Variants in COL3A1 observed in about 807,000 individuals in gnomAD.
The protein encoded by COL3A1 is collagen alpha-1(III) chain.
COL3A1 carries 46 observed loss-of-function variants against 200.9 expected under a neutral mutation model. That is an observed-to-expected ratio of 0.23 (90% CI 0.18 to 0.29). The LOEUF (loss-of-function observed/expected upper bound fraction) is 0.29. Among genes scored for constraint, COL3A1 ranks in the 10% least tolerant of loss-of-function variants. The pLI, the probability that COL3A1 is intolerant of heterozygous loss-of-function variation, is 1.00. For synonymous variants in COL3A1, 650 were observed against 628.0 expected, an observed-to-expected ratio of 1.03 and a Z score of -0.52; for missense variants, 1,367 against 1,917.6, an observed-to-expected ratio of 0.71 and a Z score of 5.36.
rs1688353376 is a variant in COL3A1 at position 188,997,399 on chromosome 2, C to T, written c.1869+10C>T. 6.2e-7 allele frequency: 1 copy of T among 1,613,068 alleles called. No individual in the cohort carries two copies. The highest frequency in any genetic ancestry group is 8.5e-7 in the Non-Finnish European group (1 of 1,179,114). ...ACCCCCAGGGCCTACTGTAAGTTCA[C>T]TCATATAAAATTGGAGATGAAAATA... On this transcript the variant is annotated intron_variant, in intron 26 of 50. Coordinates refer to ENST00000304636, the MANE Select transcript of COL3A1 (RefSeq NM_000090.4).
chr2:189,003,833 G>A (rs1241202490), intron 38 of COL3A1, 46 bp downstream of exon 38: 2 of 1,601,830 alleles, frequency 1.2e-6, no homozygotes, highest in Admixed American at 1.7e-5. Flanking sequence ...TTCAGAAAGA[G>A]CATTCATGTA....
rs776478974 is a variant in COL3A1 at position 189,009,173 on chromosome 2, G to T, written c.3775G>T (p.Ala1259Ser). The T allele has an allele frequency of 1.9e-6, 3 of 1,614,042 alleles. No homozygotes were observed. Among genetic ancestry groups the T allele is most frequent in the South Asian group, 1.1e-5 (1 of 91,090 alleles). ...TCCTGATGGTTCTCGTAAAAACCCC[G>T]CTAGAAACTGCAGAGACCTGAAATT... ...ISPDGSRKNPARNCRDLKFCH... is the reference protein window; with the variant it reads ...ISPDGSRKNPSRNCRDLKFCH... Residue 1259 changes from alanine to serine, a missense_variant, in exon 48 of 51, where the codon GCT becomes TCT. By Grantham distance (99) the Ala-to-Ser change is moderately conservative. Around this residue, in one of 5 missense-constraint regions of COL3A1, gnomAD observed 846 missense variants for 1,147.9 expected, o/e 0.74. Transcript: ENST00000304636.
At chr2:189,007,137 A>ATG (rs1334962823) in intron 44 of COL3A1, 147 bp downstream of exon 44, 2 of 183,076 alleles carry the variant, frequency 1.1e-5, no homozygotes, top group Non-Finnish European at 9.9e-6. Context: ...ATATATATAT[A>ATG]TATTTGTTCT....
intron 21 of COL3A1, 59 bp downstream of exon 21, chr2:188,995,158 T>C: frequency 1.3e-6 from 2 of 1,487,962 alleles, no homozygotes; most frequent in Non-Finnish European, 1.9e-6. Context: ...GCAGTTCTTG[T>C]ATACAATTTC....
At chr2:189,007,148 A>G (rs1265600895) in intron 44 of COL3A1, among the ~76,000 whole-genome samples, 158 bp downstream of exon 44, 2 of 93,346 alleles carry the variant, frequency 2.1e-5, no homozygotes, top group Non-Finnish European at 4.5e-5. Flanking sequence ...TATTTGTTCT[A>G]TCTATAGATA....
At chr2:188,997,279 C>T (rs1688348949) in intron 25 of COL3A1, 57 bp from the exon 26 acceptor site, 3 of 1,612,926 alleles carry the variant, frequency 1.9e-6, no homozygotes, top group South Asian at 2.2e-5. Flanking sequence ...CTCCAACCTT[C>T]TGACTTCTCT....
chr2:189,008,528 C>A, intron 47 of COL3A1: 1 of 394,008 alleles, frequency 2.5e-6, no homozygotes. Flanking sequence ...ATGATACTAT[C>A]ATTCCTAATA....
rs747784033 is a variant in COL3A1 at position 189,004,142 on chromosome 2, C to T, written c.2822C>T (p.Pro941Leu). The change falls in exon 39 of 51, where the codon CCA becomes CTA. Residue 941 changes from proline (P) to leucine (L), a missense_variant and splice_region_variant. Pro to Leu is a moderately conservative substitution (Grantham distance 98). Around this residue, in one of 5 missense-constraint regions of COL3A1, gnomAD observed 846 missense variants for 1,147.9 expected, o/e 0.74. Transcript: ENST00000304636. ...EKGSPGAQGP[P>L]GAPGPLGIAG... Reference sequence around the variant, plus strand: ...GGATCGCCTGGTGCCCAGGGCCCACCAGTAAGTAACTTCATTTTTTTAAAT... The same window carrying T: ...GGATCGCCTGGTGCCCAGGGCCCACTAGTAAGTAACTTCATTTTTTTAAAT... 1 of 1,614,010 alleles carries T rather than the reference C, an allele frequency of 6.2e-7. No individual in the cohort carries two copies. The highest frequency in any genetic ancestry group is 8.5e-7 in the Non-Finnish European group (1 of 1,179,986).
At chr2:188,981,502 C>G (rs1255445683) in intron 1 of COL3A1, among the ~76,000 whole-genome samples, 4 of 151,338 alleles carry the variant, frequency 2.6e-5, no homozygotes, top group African/African-American at 4.8e-5. Flanking sequence ...ATTGGAAAGT[C>G]CATTACTTTT....
chr2:188,976,827 A>T (rs1687829068), intron 1 of COL3A1, among the ~76,000 whole-genome samples: 1 of 152,214 alleles, frequency 6.6e-6, no homozygotes, highest in Non-Finnish European at 1.5e-5. Flanking sequence ...TGTAGATTAT[A>T]AACATGCCAA....
intron 50 of COL3A1, 94 bp from the exon 51 acceptor site, chr2:189,011,534 C>T: frequency 6.9e-7 from 1 of 1,444,898 alleles, no homozygotes; most frequent in Non-Finnish European, 9.7e-7. Context: ...ATGAATGCTT[C>T]TTTAGAGTAA....
chr2:188,987,019 T>A, intron 4 of COL3A1, 40 bp from the exon 5 acceptor site: 1 of 1,535,438 alleles, frequency 6.5e-7, no homozygotes, highest in Non-Finnish European at 9.0e-7. Flanking sequence ...TTATGAACTG[T>A]CTGTTAAAAT....
chr2:188,984,712 T>G, intron 1 of COL3A1, 48 bp from the exon 2 acceptor site: 1 of 1,575,034 alleles, frequency 6.3e-7, no homozygotes, highest in Non-Finnish European at 8.7e-7. Context: ...AAAAATCACC[T>G]TTCAGCAAAA....
chr2:189,005,198 AT>A (rs1230089844), intron 40 of COL3A1, 151 bp from the exon 41 acceptor site: 11 of 721,774 alleles, frequency 1.5e-5, no homozygotes, highest in African/African-American at 3.6e-5. Context: ...GCTCCCCCAT[AT>A]TTTTTCCCAT....
intron 1 of COL3A1, among the ~76,000 whole-genome samples, chr2:188,982,002 TG>T (rs1687963228): frequency 6.6e-6 from 1 of 151,736 alleles, no homozygotes; most frequent in Admixed American, 6.6e-5. Context: ...AAATAAGTTA[TG>T]GCAATAAATA....
At chr2:189,002,417 A>G (rs1559059931) in intron 35 of COL3A1, 66 bp downstream of exon 35, 2 of 1,453,814 alleles carry the variant, frequency 1.4e-6, no homozygotes, top group Non-Finnish European at 9.6e-7. Flanking sequence ...GAAAAATTAC[A>G]AAAGTATAGT....
At position 188,990,083 on chromosome 2, in the gene COL3A1, T is replaced by A. The variant is rs1244086612; in HGVS notation, c.691-13T>A. 1.2e-6 allele frequency: 2 copies of A among 1,612,822 alleles called. No homozygotes were observed. Among genetic ancestry groups the A allele is most frequent in the Non-Finnish European group, 8.5e-7 (1 of 1,178,944 alleles). On this transcript the variant is annotated splice_polypyrimidine_tract_variant and intron_variant, in intron 8 of 50. Transcript: ENST00000304636. ...TACATGAGCACCTACGTATTCTTTATTTCTCTACCTAGGGAGAATCAGGTA... is the reference window on the plus strand; with the variant it reads ...TACATGAGCACCTACGTATTCTTTAATTCTCTACCTAGGGAGAATCAGGTA...
At chr2:188,996,023 C>T (rs1224325899) in intron 22 of COL3A1, 102 bp from the exon 23 acceptor site, 6 of 1,188,952 alleles carry the variant, frequency 5.0e-6, no homozygotes, top group Non-Finnish European at 7.5e-6. Flanking sequence ...AAATCTGAGG[C>T]TTCACATGTA....
chr2:188,988,056 T>C, intron 5 of COL3A1, 25 bp from the exon 6 acceptor site: 2 of 1,581,666 alleles, frequency 1.3e-6, no homozygotes, highest in Non-Finnish European at 1.7e-6. Flanking sequence ...ATTTATTTTG[T>C]TTTTCATTCA....
Sources: gnomAD v4.1 joint callset for allele counts (sites outside exome capture counted in the v4.1 genomes callset) on GRCh38, gnomAD v4.1.1 for gene constraint, gnomAD v4.1.1 regional missense constraint, MANE v1.5 for transcripts, NCBI Gene and HGNC (gene_info 2026-07-23, HGNC 2026-07-21) for gene names.